The following LARP1 variants were observed in gnomAD, a reference collection of about 807,000 sequenced individuals.
The protein encoded by LARP1 is la-related protein 1.
Under a neutral mutation model 122.7 loss-of-function variants are expected in LARP1, and 36 were observed. The observed-to-expected ratio is 0.29, with a 90% CI of 0.22 to 0.39. The LOEUF is 0.39. Ranked by LOEUF, LARP1 falls within the 10% of genes least tolerant of loss-of-function variation. The pLI is 1.00. For missense variants in LARP1, 1,040 were observed against 1,403.6 expected, an observed-to-expected ratio of 0.74 and a Z score of 4.14; for synonymous variants, 539 against 528.7, an observed-to-expected ratio of 1.02 and a Z score of -0.27.
At position 154,685,519 on chromosome 5, in the gene LARP1, G is replaced by C. The variant is rs138408999; in HGVS notation, c.-180+2482G>C. Among the ~76,000 whole-genome samples, 860 of 152,242 alleles carry C rather than the reference G, an allele frequency of 5.6e-3. 5 individuals carry two copies. Among genetic ancestry groups the C allele is most frequent in the Non-Finnish European group, 7.4e-3 (500 of 68,016 alleles). ...CCTTCCCTGATCTCAGAAGTCTAAGGGTTTAGCGTAGAAAGTGGGGAGCAG... is the reference window on the plus strand; with the variant it reads ...CCTTCCCTGATCTCAGAAGTCTAAGCGTTTAGCGTAGAAAGTGGGGAGCAG... On this transcript the variant is annotated intron_variant, in intron 1 of 18. Coordinates refer to the LARP1 transcript ENST00000687700.
intron 1 of LARP1, chr5:154,685,894 G>T (rs773197465): frequency 6.1e-6 from 3 of 493,086 alleles, no homozygotes; most frequent in Non-Finnish European, 1.2e-5. Context: ...CCCTAAGTGG[G>T]AGCCCTACTG....
exon 1 of LARP1, among the ~76,000 whole-genome samples, chr5:154,682,991 A>G (rs991940437): frequency 1.3e-5 from 2 of 152,018 alleles, no homozygotes; most frequent in African/African-American, 2.4e-5. Context: ...AGGCTGAGTC[A>G]TCGCTGCTGC....
intron 1 of LARP1, among the ~76,000 whole-genome samples, chr5:154,718,114 G>A (rs1755625305): frequency 1.3e-5 from 2 of 151,930 alleles, no homozygotes; most frequent in South Asian, 4.2e-4. Flanking sequence ...TAGAAACGGG[G>A]TCTCACTTTG....
chr5:154,702,378 A>T (rs1054771873), intron 1 of LARP1, among the ~76,000 whole-genome samples: 2 of 152,050 alleles, frequency 1.3e-5, no homozygotes, highest in Admixed American at 1.3e-4. Flanking sequence ...CAACATGGTG[A>T]AACCCCATCT....
intron 14 of LARP1, 119 bp downstream of exon 14, chr5:154,804,426 T>A (rs1386829818): frequency 2.6e-6 from 2 of 771,540 alleles, no homozygotes; most frequent in African/African-American, 3.5e-5. Flanking sequence ...ATCTAAGAGG[T>A]TTTCAAAAAA....
intron 1 of LARP1, chr5:154,718,402 T>C (rs1755645918): frequency 6.6e-6 from 1 of 151,724 alleles, no homozygotes; most frequent in Non-Finnish European, 1.5e-5. Flanking sequence ...GTCTTGTTAT[T>C]TTGCCCAGGC....
rs113745888 is a variant in LARP1, at chr5:154,688,932, C to A, written c.-180+5895C>A. Among the ~76,000 whole-genome samples the A allele has an allele frequency of 4.1e-3, 625 of 152,270 alleles. 8 individuals are homozygous for A. The East Asian group carries it at 0.065, about 16-fold the overall frequency. On this transcript the variant is annotated intron_variant, in intron 1 of 18. Coordinates refer to the LARP1 transcript ENST00000687700. The stretch of plus-strand genomic sequence containing the variant: ...CTTTGTGAGAATGTATTAATGCATT[C>A]CTTTTATAAAATTTTTACATAAAAA...
chr5:154,755,853 G>A lies in LARP1; in HGVS notation c.96G>A (p.Ala32=), dbSNP rs1753828539. 9.9e-7 allele frequency: 1 copy of A among 1,005,726 alleles called. No homozygotes were observed. Among genetic ancestry groups the A allele is most frequent in the Non-Finnish European group, 1.2e-6 (1 of 841,824 alleles). The allele number at this position is 1,005,726 out of a possible 1,614,324, so 62.3% of individuals were successfully genotyped here. ...GGLVRKKPPP[A]PEGKGEPGPN... ...TGGTGAGGAAGAAGCCGCCGCCGGC[G>A]CCCGAGGGCAAGGGCGAGCCCGGGC... The change falls in exon 1 of 19, where the codon GCG becomes GCA. Residue 32 remains alanine (A), a synonymous_variant. Coordinates refer to ENST00000518297, the MANE Select transcript of LARP1 (RefSeq NM_033551.3).
intron 1 of LARP1, among the ~76,000 whole-genome samples, chr5:154,784,046 G>T (rs1756682918): frequency 6.6e-6 from 1 of 152,240 alleles, no homozygotes; most frequent in South Asian, 2.1e-4. Context: ...TCCTCTGGGA[G>T]CCAGCAGTTT....
chr5:154,812,767 T>G (rs1759386891), intron 18 of LARP1, among the ~76,000 whole-genome samples: 1 of 152,060 alleles, frequency 6.6e-6, no homozygotes, highest in South Asian at 2.1e-4. Context: ...ATCCACCTGC[T>G]TGGCCTCCCA....
At chr5:154,727,070 A>G (rs972293872) in intron 1 of LARP1, among the ~76,000 whole-genome samples, 13 of 152,224 alleles carry the variant, frequency 8.5e-5, no homozygotes, top group African/African-American at 3.1e-4. Context: ...AAAAGTATTC[A>G]GCACATATAA....
chr5:154,735,715 C>T (rs1194720093), intron 1 of LARP1, among the ~76,000 whole-genome samples: 2 of 148,842 alleles, frequency 1.3e-5, no homozygotes, highest in African/African-American at 4.9e-5. Context: ...ATTACAGGCA[C>T]GTGCCACCAT....
chr5:154,799,009 G>A (rs1289357012), intron 8 of LARP1, among the ~76,000 whole-genome samples: 2 of 152,162 alleles, frequency 1.3e-5, no homozygotes, highest in African/African-American at 2.4e-5. Flanking sequence ...GACTATAGGC[G>A]TGTGCCACCA....
chr5:154,743,674 T>G (rs1173458916), intron 1 of LARP1, among the ~76,000 whole-genome samples: 1 of 148,256 alleles, frequency 6.7e-6, no homozygotes, highest in African/African-American at 2.5e-5. Context: ...GGCTGGAGTA[T>G]AGTGGCACGA....
intron 1 of LARP1, among the ~76,000 whole-genome samples, chr5:154,740,141 C>T (rs1293582613): frequency 1.3e-5 from 2 of 151,574 alleles, no homozygotes; most frequent in South Asian, 2.1e-4. Context: ...CCTGTAATCC[C>T]AGCACCTTGG....
chr5:154,797,724 G>T (rs1269255642), intron 8 of LARP1, among the ~76,000 whole-genome samples: 5 of 144,294 alleles, frequency 3.5e-5, no homozygotes. Flanking sequence ...AGAGGGTCTT[G>T]CTCTCACAGG....
chr5:154,804,351 A>AT, intron 14 of LARP1, 44 bp downstream of exon 14: 1 of 1,405,870 alleles, frequency 7.1e-7, no homozygotes, highest in Non-Finnish European at 1.0e-6. Context: ...TGCCTATGGG[A>AT]TGGGTGGGCG....
Position 154,814,251 on chromosome 5 carries a change from G to T in LARP1, c.*155G>T, listed in dbSNP as rs1006826220. 1.0e-5 allele frequency: 7 copies of T among 699,450 alleles called. No homozygotes were observed. Among genetic ancestry groups the T allele is most frequent in the Non-Finnish European group, 1.4e-5 (6 of 416,666 alleles). 43.3% of individuals were successfully genotyped at this position (699,450 alleles called of 1,614,324 possible). A position where few individuals can be genotyped will look rare whatever the true frequency, so the allele number is the denominator to read the frequency against. ...TGAGTAGCAATGTATACACCATTTGGGCTATCAGAGGTACCCCTGGGCAGG... is the reference window on the plus strand; with the variant it reads ...TGAGTAGCAATGTATACACCATTTGTGCTATCAGAGGTACCCCTGGGCAGG... On this transcript the variant is annotated 3_prime_UTR_variant, in exon 19 of 19. Transcript: ENST00000518297.
At chr5:154,751,482 G>A (rs946778205), upstream of LARP1, among the ~76,000 whole-genome samples, 29 of 152,258 alleles carry the variant, frequency 1.9e-4, no homozygotes, top group African/African-American at 6.3e-4. Context: ...AGAACCTAGC[G>A]TACACTAGTT....
Sources: gnomAD v4.1 joint callset for allele counts (sites outside exome capture counted in the v4.1 genomes callset) on GRCh38, gnomAD v4.1.1 for gene constraint, MANE v1.5 for transcripts, NCBI Gene and HGNC (gene_info 2026-07-23, HGNC 2026-07-21) for gene names.